The following ORC2 variants were observed in gnomAD, a reference collection of about 807,000 sequenced individuals.
The protein encoded by ORC2 is origin recognition complex protein 2 homolog.
In ORC2, 37 loss-of-function variants were observed where a neutral mutation model predicts 77.7. The ratio of observed to expected loss-of-function variants is 0.48; its 90% CI spans 0.37 to 0.63. The LOEUF (loss-of-function observed/expected upper bound fraction) is 0.63, where lower values mean the gene tolerates loss of function less well. Ranked by LOEUF, ORC2 falls within the 20% of genes least tolerant of loss-of-function variation. The pLI is 0.00. For missense variants in ORC2, 557 were observed against 661.9 expected, an observed-to-expected ratio of 0.84 and a Z score of 1.74; for synonymous variants, 201 against 229.5, an observed-to-expected ratio of 0.88 and a Z score of 1.12.
chr2:200,925,728 C>T, intron 13 of ORC2, 108 bp downstream of exon 13: 1 of 351,472 alleles, frequency 2.8e-6, no homozygotes, highest in East Asian at 4.9e-5. Flanking sequence ...AACAGAGAGA[C>T]TGTCTCAAAA....
At chr2:200,916,431 G>A (rs1449794335) in intron 15 of ORC2, among the ~76,000 whole-genome samples, 1 of 151,914 alleles carries the variant, frequency 6.6e-6, no homozygotes, top group African/African-American at 2.4e-5. Flanking sequence ...GTTGCAGTGA[G>A]CCGAGATCTT....
intron 5 of ORC2, among the ~76,000 whole-genome samples, chr2:200,948,313 T>G (rs2041289757): frequency 6.6e-6 from 1 of 151,892 alleles, no homozygotes; most frequent in South Asian, 2.1e-4. Flanking sequence ...CCACCCAAAG[T>G]GCTGAGATTA....
At chr2:200,953,789 TAC>T (rs1491177922) in intron 4 of ORC2, among the ~76,000 whole-genome samples, 1 of 152,186 alleles carries the variant, frequency 6.6e-6, no homozygotes, top group Non-Finnish European at 1.5e-5. Flanking sequence ...ACTGAACCCA[TAC>T]ACTTTAAAAA....
At chr2:200,925,251 C>T (rs1257123458) in intron 13 of ORC2, among the ~76,000 whole-genome samples, 9 of 151,896 alleles carry the variant, frequency 5.9e-5, no homozygotes, top group East Asian at 2.0e-4. Flanking sequence ...TGCTTGAACC[C>T]GGGAGGCGGA....
At chr2:200,942,394 CT>C in intron 6 of ORC2, among the ~76,000 whole-genome samples, 1 of 152,176 alleles carries the variant, frequency 6.6e-6, no homozygotes, top group Non-Finnish European at 1.5e-5. Flanking sequence ...GCCAAATCTT[CT>C]ATAAATAATT....
At chr2:200,961,318 C>T (rs980325279) in intron 1 of ORC2, among the ~76,000 whole-genome samples, 2 of 151,894 alleles carry the variant, frequency 1.3e-5, no homozygotes, top group Admixed American at 6.6e-5. Context: ...CAATGCCAAG[C>T]CTTGCTAATT....
intron 15 of ORC2, among the ~76,000 whole-genome samples, chr2:200,914,495 T>C (rs866656029): frequency 2.0e-5 from 3 of 152,106 alleles, no homozygotes; most frequent in Non-Finnish European, 2.9e-5. Flanking sequence ...AAGAAAAATA[T>C]AGGCTGAGTG....
intron 13 of ORC2, among the ~76,000 whole-genome samples, chr2:200,923,837 G>C (rs576724754): frequency 6.6e-6 from 1 of 152,298 alleles, no homozygotes; most frequent in African/African-American, 2.4e-5. Context: ...GTTGAAACAA[G>C]AAGGCAAAGC....
chr2:200,957,992 T>A (rs1187010553), intron 3 of ORC2, 38 bp downstream of exon 3: 1 of 1,221,118 alleles, frequency 8.2e-7, no homozygotes, highest in South Asian at 1.3e-5. Context: ...ATAAACATTA[T>A]AATAAGCATC....
rs2041076589 is a variant in ORC2 at position 200,937,901 on chromosome 2, C to T, written c.514+5G>A. ...ATAAAAAGTCATGTAAAAACAAATA[C>T]GTACCTATTAATCTTTTTCTTAGAC... On this transcript the variant is annotated splice_donor_5th_base_variant and intron_variant, in intron 8 of 17. Transcript: ENST00000234296. 3.2e-6 allele frequency: 5 copies of T among 1,568,958 alleles called. No homozygotes were observed. The highest frequency in any genetic ancestry group is 4.4e-6 in the Non-Finnish European group (5 of 1,144,156).
chr2:200,935,673 A>T (rs776699561), intron 9 of ORC2, 26 bp downstream of exon 9: 8 of 1,483,954 alleles, frequency 5.4e-6, no homozygotes, highest in Non-Finnish European at 7.2e-6. Context: ...TTTTTCTTTA[A>T]GGTTAAAGTC....
At chr2:200,945,615 A>C (rs1423715545) in intron 5 of ORC2, among the ~76,000 whole-genome samples, 1 of 152,066 alleles carries the variant, frequency 6.6e-6, no homozygotes, top group Non-Finnish European at 1.5e-5. Context: ...ATAGGGCATA[A>C]ATTTTGTATC....
At chr2:200,953,326 C>T (rs1420669757) in intron 4 of ORC2, among the ~76,000 whole-genome samples, 1 of 149,374 alleles carries the variant, frequency 6.7e-6, no homozygotes, top group Non-Finnish European at 1.5e-5. Context: ...TCTTTTTGTC[C>T]GAAGACTGAC....
chr2:200,959,013 C>A (rs1320125591), intron 2 of ORC2, among the ~76,000 whole-genome samples: 1 of 152,106 alleles, frequency 6.6e-6, no homozygotes, highest in Admixed American at 6.6e-5. Context: ...TTGACTGTGT[C>A]TCTCTTTTCT....
chr2:200,949,643 T>G lies in ORC2; in HGVS notation c.239A>C (p.Glu80Ala). ...TGTAGCAGAGCCATTTTTCAATGAT[T>G]CTGAAAGAAAAAAATGCAATATACA... ...YVEIMGRDVQ[E>A]SLKNGSATGG... is the part of the protein sequence containing the mutation. The change falls in exon 5 of 18, where the codon GAA becomes GCA. Residue 80 changes from glutamate (E) to alanine (A), a missense_variant and splice_region_variant. Coordinates refer to ENST00000234296, the MANE Select transcript of ORC2 (RefSeq NM_006190.5). The G allele has an allele frequency of 6.4e-7, 1 of 1,567,666 alleles. No individual in the cohort carries two copies. Among genetic ancestry groups the G allele is most frequent in the Non-Finnish European group, 8.7e-7 (1 of 1,146,112 alleles).
At chr2:200,955,328 C>T (rs997143987) in intron 4 of ORC2, among the ~76,000 whole-genome samples, 1 of 152,138 alleles carries the variant, frequency 6.6e-6, no homozygotes, top group Non-Finnish European at 1.5e-5. Context: ...ACCCAGCCCA[C>T]TAAATCTATT....
At chr2:200,919,783 G>A (rs1481365725) in intron 15 of ORC2, among the ~76,000 whole-genome samples, 4 of 152,196 alleles carry the variant, frequency 2.6e-5, no homozygotes. Context: ...ATGTTTAAGA[G>A]CATGAGTTTT....
intron 4 of ORC2, among the ~76,000 whole-genome samples, chr2:200,954,006 A>G (rs886325257): frequency 6.7e-6 from 1 of 149,140 alleles, no homozygotes; most frequent in Non-Finnish European, 1.5e-5. Context: ...TTTTGTAGAG[A>G]TGGGATTTGG....
intron 6 of ORC2, 92 bp from the exon 7 acceptor site, chr2:200,941,371 G>A: frequency 1.7e-6 from 2 of 1,166,054 alleles, no homozygotes; most frequent in Non-Finnish European, 2.5e-6. Context: ...TGCCAGGCAT[G>A]GTGGCTCACA....
Sources: allele counts gnomAD v4.1 joint callset (sites outside exome capture counted in the v4.1 genomes callset), GRCh38; gene constraint gnomAD v4.1.1; transcripts MANE v1.5; gene names NCBI Gene and HGNC (gene_info 2026-07-23, HGNC 2026-07-21).